The following MALRD1 variants were observed in gnomAD, a reference collection of about 807,000 sequenced individuals.
The protein encoded by MALRD1 is MAM and LDL receptor class A domain containing 1.
Under a neutral mutation model 242.1 loss-of-function variants are expected in MALRD1, and 247 were observed. That is an observed-to-expected ratio of 1.02 (90% CI 0.92 to 1.13). The LOEUF is 1.13. Ranked by LOEUF, MALRD1 falls within the 50% of genes most tolerant of loss-of-function variation. The probability of loss-of-function intolerance (pLI) is 0.00; values close to 1 mark genes in which losing one functional copy is unlikely to be tolerated. For synonymous variants in MALRD1, 995 were observed against 866.6 expected (o/e 1.15, Z -2.60); for missense variants, 2,989 against 2,533.1 (o/e 1.18, Z -3.86).
intron 28 of MALRD1, among the ~76,000 whole-genome samples, chr10:19,391,748 C>T (rs1466192592): frequency 6.6e-6 from 1 of 152,192 alleles, no homozygotes; most frequent in East Asian, 1.9e-4. Context: ...AGAAAGATTC[C>T]TGCTAACTGG....
chr10:19,242,095 A>G (rs184326514), intron 18 of MALRD1, among the ~76,000 whole-genome samples: 527 of 152,262 alleles, frequency 3.5e-3, no homozygotes, highest in Middle Eastern at 0.014. Flanking sequence ...AGACTGGGTA[A>G]TTTACAGAGA....
At chr10:19,210,560 C>T (rs76524801) in intron 18 of MALRD1, among the ~76,000 whole-genome samples, 4,769 of 152,290 alleles carry the variant, frequency 0.031, 113 homozygotes, top group African/African-American at 0.061. Flanking sequence ...AAAAAAACTT[C>T]TTACCTGTCC....
chr10:19,446,421 G>A (rs1213256635), intron 28 of MALRD1, among the ~76,000 whole-genome samples: 1 of 152,180 alleles, frequency 6.6e-6, no homozygotes, highest in Non-Finnish European at 1.5e-5. Flanking sequence ...TTGGAAAAAA[G>A]AGAGGTATTA....
At chr10:19,280,253 A>G in intron 20 of MALRD1, 30 bp downstream of exon 20, 1 of 1,426,308 alleles carries the variant, frequency 7.0e-7, no homozygotes, top group Non-Finnish European at 9.2e-7. Context: ...TTGTTTAAAT[A>G]CTGCTACAAA....
chr10:19,315,452 G>A (rs189700283), intron 21 of MALRD1, among the ~76,000 whole-genome samples: 3,087 of 10,520 alleles, frequency 0.29, 1,317 homozygotes, highest in African/African-American at 0.55. Context: ...ATAAATATAT[G>A]ACTATAATTT....
intron 11 of MALRD1, among the ~76,000 whole-genome samples, chr10:19,152,313 A>C (rs1460454210): frequency 6.6e-6 from 1 of 151,972 alleles, no homozygotes; most frequent in Non-Finnish European, 1.5e-5. Flanking sequence ...CAGAGTTTAG[A>C]CTCTCTATAC....
intron 18 of MALRD1, among the ~76,000 whole-genome samples, chr10:19,255,197 A>G (rs12251479): frequency 0.085 from 12,986 of 152,072 alleles, 763 homozygotes; most frequent in African/African-American, 0.16. Flanking sequence ...CAGATAAGGC[A>G]GGTCATTTAA....
At chr10:19,535,672 A>G (rs1203489501) in intron 32 of MALRD1, among the ~76,000 whole-genome samples, 1 of 151,610 alleles carries the variant, frequency 6.6e-6, no homozygotes, top group African/African-American at 2.4e-5. Context: ...GAAAAAGTTT[A>G]TTTTAATATT....
chr10:19,186,459 T>C (rs1835741366), intron 14 of MALRD1, among the ~76,000 whole-genome samples: 2 of 152,178 alleles, frequency 1.3e-5, no homozygotes, highest in Non-Finnish European at 2.9e-5. Flanking sequence ...AAATAACCCA[T>C]GCTATTTTGA....
intron 33 of MALRD1, among the ~76,000 whole-genome samples, chr10:19,571,390 C>A (rs1003885944): frequency 6.6e-6 from 1 of 151,770 alleles, no homozygotes; most frequent in East Asian, 1.9e-4. Context: ...AAAAAAATAA[C>A]AATTATATAT....
intron 33 of MALRD1, among the ~76,000 whole-genome samples, chr10:19,588,317 G>A (rs1837556552): frequency 6.6e-6 from 1 of 152,120 alleles, no homozygotes. Flanking sequence ...TTAAACCACT[G>A]ATTTATTATT....
chr10:19,711,399 A>C (rs1365852851), intron 38 of MALRD1: 1 of 152,248 alleles, frequency 6.6e-6, no homozygotes, highest in Non-Finnish European at 1.5e-5. Context: ...GTTAGGGGCT[A>C]GGAATATAAG....
chr10:19,612,860 A>G (rs558483291), intron 35 of MALRD1, among the ~76,000 whole-genome samples: 17 of 152,102 alleles, frequency 1.1e-4, no homozygotes, highest in Middle Eastern at 3.4e-3. Flanking sequence ...AACCACTCCC[A>G]TGATCCAGTC....
chr10:19,231,054 C>T (rs943085933), intron 18 of MALRD1, among the ~76,000 whole-genome samples: 5 of 152,092 alleles, frequency 3.3e-5, no homozygotes. Context: ...AATCATGCCT[C>T]TCAGCTGATT....
chr10:19,605,377 A>G (rs776489451), intron 34 of MALRD1, among the ~76,000 whole-genome samples: 6 of 151,474 alleles, frequency 4.0e-5, no homozygotes, highest in Non-Finnish European at 8.8e-5. Flanking sequence ...CATGTTGGCC[A>G]GGCTGGTCTC....
In MALRD1 at chr10:19,204,929, G is replaced by C. The variant is rs1422210319; in HGVS notation, c.2242G>C (p.Ala748Pro). ...TAACTATGGCCTGTCAGTGGGAGCA[G>C]CTGAGCTGCAGCTACATATGGAAAA... The part of the protein sequence containing the change: ...FYNYGLSVGA[A>P]ELQLHMENSH... Residue 748 changes from alanine (A) to proline (P), a missense_variant, in exon 17 of 40, where the codon GCT becomes CCT. Coordinates refer to ENST00000454679, the MANE Select transcript of MALRD1 (RefSeq NM_001142308.3). 1 of 1,549,978 alleles carries C rather than the reference G, an allele frequency of 6.5e-7. No homozygotes were observed. The highest frequency in any genetic ancestry group is 1.2e-5 in the South Asian group (1 of 84,044).
chr10:19,218,856 A>C (rs1431963699), intron 18 of MALRD1, among the ~76,000 whole-genome samples: 1 of 152,118 alleles, frequency 6.6e-6, no homozygotes, highest in African/African-American at 2.4e-5. Context: ...ATACTGAAAA[A>C]TGAAATCATA....
At chr10:19,264,706 G>A (rs1406680319) in intron 19 of MALRD1, among the ~76,000 whole-genome samples, 2 of 152,084 alleles carry the variant, frequency 1.3e-5, no homozygotes, top group African/African-American at 4.8e-5. Context: ...GCCTGCCTCG[G>A]CCTCTCAAAG....
At chr10:19,647,818 T>C (rs1275659097) in intron 36 of MALRD1, among the ~76,000 whole-genome samples, 3 of 152,194 alleles carry the variant, frequency 2.0e-5, no homozygotes, top group South Asian at 4.1e-4. Flanking sequence ...ACCATCTTGT[T>C]TTCAACAACC....
Sources: gnomAD v4.1 joint callset for allele counts (sites outside exome capture counted in the v4.1 genomes callset) on GRCh38, gnomAD v4.1.1 for gene constraint, MANE v1.5 for transcripts, NCBI Gene and HGNC (gene_info 2026-07-23, HGNC 2026-07-21) for gene names.